CDKAL1: variants seen among roughly 807,000 people sequenced by gnomAD.
CDKAL1 encodes the protein threonylcarbamoyladenosine tRNA methylthiotransferase.
Under a neutral mutation model 68.2 loss-of-function variants are expected in CDKAL1, and 32 were observed. That is an observed-to-expected ratio of 0.47 (90% CI 0.35 to 0.63). CDKAL1 has a LOEUF of 0.63. Ranked by LOEUF, CDKAL1 falls within the 30% of genes least tolerant of loss-of-function variation. The probability of loss-of-function intolerance (pLI) is 0.00; values close to 1 mark genes in which losing one functional copy is unlikely to be tolerated. For missense variants in CDKAL1, 606 were observed against 696.7 expected, an observed-to-expected ratio of 0.87 and a Z score of 1.47; for synonymous variants, 234 against 244.3, an observed-to-expected ratio of 0.96 and a Z score of 0.39.
At chr6:20,898,211 C>G (rs987639046) in intron 9 of CDKAL1, among the ~76,000 whole-genome samples, 1 of 151,560 alleles carries the variant, frequency 6.6e-6, no homozygotes, top group Non-Finnish European at 1.5e-5. Flanking sequence ...CTCCCTGTCT[C>G]TTGTTGGTTT....
chr6:21,082,733 A>G (rs72836298), intron 12 of CDKAL1, among the ~76,000 whole-genome samples: 6,661 of 152,246 alleles, frequency 0.044, 195 homozygotes, highest in Middle Eastern at 0.088. Flanking sequence ...CAAGTTGAGT[A>G]TCCTTTATCT....
At chr6:21,104,978 T>A (rs1035436666) in intron 12 of CDKAL1, among the ~76,000 whole-genome samples, 17 of 152,210 alleles carry the variant, frequency 1.1e-4, no homozygotes, top group African/African-American at 4.1e-4. Flanking sequence ...ATCTCCTAAG[T>A]TTAATACTGA....
intron 9 of CDKAL1, among the ~76,000 whole-genome samples, chr6:20,889,414 G>A (rs889064507): frequency 6.6e-6 from 1 of 152,074 alleles, no homozygotes; most frequent in African/African-American, 2.4e-5. Context: ...TGTTGCCATT[G>A]CTTTTGGTGT....
At chr6:20,999,023 G>T (rs943658854) in intron 10 of CDKAL1, among the ~76,000 whole-genome samples, 1 of 152,146 alleles carries the variant, frequency 6.6e-6, no homozygotes, top group Non-Finnish European at 1.5e-5. Context: ...GTAACTGGAC[G>T]GAATTAGCTG....
intron 4 of CDKAL1, among the ~76,000 whole-genome samples, chr6:20,625,403 AT>A (rs1001637931): frequency 6.6e-6 from 1 of 151,902 alleles, no homozygotes; most frequent in Non-Finnish European, 1.5e-5. Flanking sequence ...TTGAAGAAGA[AT>A]TTCAATGGTG....
intron 15 of CDKAL1, among the ~76,000 whole-genome samples, chr6:21,215,528 T>C (rs1451141422): frequency 6.6e-6 from 1 of 152,188 alleles, no homozygotes; most frequent in Non-Finnish European, 1.5e-5. Context: ...CCAGAAGACA[T>C]CACATTCAGT....
chr6:20,803,491 ATATAT>A (rs527930037), intron 8 of CDKAL1, among the ~76,000 whole-genome samples: 33 of 152,204 alleles, frequency 2.2e-4, no homozygotes, highest in Non-Finnish European at 4.3e-4. Flanking sequence ...TTTTATCATA[ATATAT>A]TCTCAGAAGA....
At position 21,152,986 on chromosome 6, in the gene CDKAL1, T is replaced by TTA. The variant is rs1381130091; in HGVS notation, c.1299+44525_1299+44526dup. Among the ~76,000 whole-genome samples, 11 of 152,326 alleles carry TTA rather than the reference T, an allele frequency of 7.2e-5. No homozygotes were observed. The East Asian group carries it at 1.9e-3, about 27-fold the overall frequency. On this transcript the variant is annotated intron_variant, in intron 13 of 15. Coordinates refer to ENST00000274695, the MANE Select transcript of CDKAL1 (RefSeq NM_017774.3). ...CATTTTCTAAATTTTTTTGAGTCTT[T>TTA]TATCTCTCCTATTCTATTTAATCAC...
rs148711705 is a variant in CDKAL1 at position 20,684,396 on chromosome 6, C to A, written c.371+35019C>A. 5.8e-3 allele frequency among the ~76,000 whole-genome samples: 888 copies of A among 152,318 alleles called. 12 individuals are homozygous for A. The highest frequency in any genetic ancestry group is 0.02 in the African/African-American group (836 of 41,568). On this transcript the variant is annotated intron_variant, in intron 5 of 15. Transcript: ENST00000274695. ...GGCGGAGGTTGCAGTGAGCCAAGAT[C>A]GTGTCACTGCACTCCAGCCTTGGTG... is the stretch of plus-strand genomic sequence containing the variant.
chr6:20,932,806 A>G (rs550248091), intron 9 of CDKAL1, among the ~76,000 whole-genome samples: 1 of 152,268 alleles, frequency 6.6e-6, no homozygotes, highest in Non-Finnish European at 1.5e-5. Flanking sequence ...CTTTTTACTG[A>G]TGAAATCATA....
intron 4 of CDKAL1, among the ~76,000 whole-genome samples, chr6:20,647,556 G>A (rs1768534221): frequency 6.6e-6 from 1 of 151,998 alleles, no homozygotes; most frequent in Non-Finnish European, 1.5e-5. Flanking sequence ...AGTAAAGACA[G>A]GCCAAAAAAT....
At chr6:20,579,350 G>A (rs1581757244) in intron 4 of CDKAL1, among the ~76,000 whole-genome samples, 1 of 152,090 alleles carries the variant, frequency 6.6e-6, no homozygotes, top group Non-Finnish European at 1.5e-5. Flanking sequence ...CAATACGGAT[G>A]CCTGAAAAAA....
chr6:20,882,718 G>A (rs186457807), intron 9 of CDKAL1, among the ~76,000 whole-genome samples: 89 of 152,232 alleles, frequency 5.8e-4, no homozygotes, highest in African/African-American at 2.0e-3. Flanking sequence ...CTTGCAGTTT[G>A]GGGCAATTAT....
intron 9 of CDKAL1, among the ~76,000 whole-genome samples, chr6:20,862,824 C>T (rs974752879): frequency 4.6e-5 from 7 of 152,192 alleles, no homozygotes; most frequent in African/African-American, 7.2e-5. Flanking sequence ...GCCAGGAGTT[C>T]GAGACCAGCC....
At chr6:20,729,738 G>C (rs1772821808) in intron 5 of CDKAL1, among the ~76,000 whole-genome samples, 1 of 152,204 alleles carries the variant, frequency 6.6e-6, no homozygotes, top group Non-Finnish European at 1.5e-5. Context: ...GCCAGTGTTA[G>C]AACCCAGGCA....
intron 4 of CDKAL1, among the ~76,000 whole-genome samples, chr6:20,616,559 C>T (rs1766911704): frequency 1.4e-5 from 2 of 144,580 alleles, no homozygotes; most frequent in African/African-American, 5.2e-5. Context: ...AATGGGAGTT[C>T]ACTCATGATT....
chr6:20,936,624 C>A lies in CDKAL1; in HGVS notation c.743-18795C>A, dbSNP rs142506510. ...ACAACTACTTACTAAATACCACTTG[C>A]TGATGACAATGGCAGTACTATGACA... On this transcript the variant is annotated intron_variant, in intron 9 of 15. Coordinates refer to ENST00000274695, the MANE Select transcript of CDKAL1 (RefSeq NM_017774.3). 8.4e-3 allele frequency among the ~76,000 whole-genome samples: 1,285 copies of A among 152,168 alleles called. 6 individuals carry two copies. The highest frequency in any genetic ancestry group is 0.012 in the South Asian group (56 of 4,816).
chr6:20,984,597 A>G (rs1354146915), intron 10 of CDKAL1, among the ~76,000 whole-genome samples: 1 of 152,162 alleles, frequency 6.6e-6, no homozygotes, highest in East Asian at 1.9e-4. Flanking sequence ...TGGTAAATGC[A>G]GAGGATTTTT....
intron 4 of CDKAL1, among the ~76,000 whole-genome samples, chr6:20,640,313 G>A (rs1272330765): frequency 2.0e-5 from 3 of 152,132 alleles, no homozygotes; most frequent in African/African-American, 7.2e-5. Context: ...ATTGTTTTGT[G>A]TTGTTTCTTG....
Sources: allele counts gnomAD v4.1 joint callset (sites outside exome capture counted in the v4.1 genomes callset), GRCh38; gene constraint gnomAD v4.1.1; transcripts MANE v1.5; gene names NCBI Gene and HGNC (gene_info 2026-07-23, HGNC 2026-07-21).